VWA3B: variants seen among roughly 807,000 people sequenced by gnomAD.
VWA3B encodes von Willebrand factor A domain-containing protein 3B.
Under a neutral mutation model 158.3 loss-of-function variants are expected in VWA3B, and 138 were observed. The ratio of observed to expected loss-of-function variants is 0.87; its 90% CI spans 0.76 to 1.00. VWA3B has a LOEUF of 1.00. Ranked by LOEUF, VWA3B falls within the 50% of genes least tolerant of loss-of-function variation. The pLI is 0.00. For synonymous variants in VWA3B, 596 were observed against 587.3 expected (o/e 1.01, Z -0.21); for missense variants, 1,555 against 1,565.1 (o/e 0.99, Z 0.11).
At chr2:98,222,551 C>A (rs897519646) in intron 14 of VWA3B, among the ~76,000 whole-genome samples, 1 of 152,156 alleles carries the variant, frequency 6.6e-6, no homozygotes, top group African/African-American at 2.4e-5. Context: ...CCAGCTAGAA[C>A]TAGTGGCCCC....
chr2:98,196,620 G>A (rs1407522008), intron 12 of VWA3B, among the ~76,000 whole-genome samples: 1 of 152,124 alleles, frequency 6.6e-6, no homozygotes, highest in Non-Finnish European at 1.5e-5. Context: ...GGGAGATGGA[G>A]GGAGCAGGTG....
At chr2:98,298,426 T>G (rs535101046) in intron 24 of VWA3B, among the ~76,000 whole-genome samples, 3,409 of 139,344 alleles carry the variant, frequency 0.024, 64 homozygotes, top group South Asian at 0.039. Context: ...TCTATTCTAT[T>G]CTATTCTATT....
intron 8 of VWA3B, among the ~76,000 whole-genome samples, chr2:98,174,613 A>G (rs1240567435): frequency 6.6e-6 from 1 of 152,198 alleles, no homozygotes; most frequent in Non-Finnish European, 1.5e-5. Context: ...TAAGATGAAA[A>G]ACTGGGGAAT....
chr2:98,225,735 G>C (rs1187308406), intron 14 of VWA3B, among the ~76,000 whole-genome samples: 1 of 150,044 alleles, frequency 6.7e-6, no homozygotes, highest in African/African-American at 2.4e-5. Context: ...ACTTTTACGA[G>C]ATTTCAGCAA....
intron 8 of VWA3B, among the ~76,000 whole-genome samples, chr2:98,166,552 G>A (rs1439854541): frequency 2.0e-5 from 3 of 152,086 alleles, no homozygotes; most frequent in Non-Finnish European, 4.4e-5. Context: ...AGAAACCAGC[G>A]TTGCTGGCAC....
At chr2:98,229,597 C>T (rs1402045175) in intron 15 of VWA3B, among the ~76,000 whole-genome samples, 1 of 152,204 alleles carries the variant, frequency 6.6e-6, no homozygotes, top group South Asian at 2.1e-4. Context: ...GTTCCTTTCT[C>T]TAGCTTTTAT....
intron 8 of VWA3B, among the ~76,000 whole-genome samples, chr2:98,165,463 C>T (rs553233234): frequency 2.6e-4 from 39 of 152,218 alleles, no homozygotes; most frequent in African/African-American, 8.9e-4. Context: ...TGAAAGCTCC[C>T]CGGGTGATCC....
chr2:98,248,034 C>T (rs1686510975), intron 19 of VWA3B, among the ~76,000 whole-genome samples: 1 of 151,866 alleles, frequency 6.6e-6, no homozygotes, highest in Admixed American at 6.5e-5. Flanking sequence ...TTTTGTGTAG[C>T]CTAGAATTTA....
rs112259304 is a variant in VWA3B at position 98,215,587 on chromosome 2, G to A, written c.1837-2259G>A. Among the ~76,000 whole-genome samples the A allele has an allele frequency of 2.8e-3, 420 of 150,112 alleles. 3 individuals are homozygous for A. The highest frequency in any genetic ancestry group is 5.2e-3 in the Non-Finnish European group (353 of 67,704). On this transcript the variant is annotated intron_variant, in intron 13 of 27. Transcript: ENST00000477737. ...GGCTAGAGTGTAGTGGCGCAATCTC[G>A]GCTCACTGCAAGCTCCACCTCCCGG...
intron 19 of VWA3B, among the ~76,000 whole-genome samples, chr2:98,242,762 A>G (rs970747054): frequency 1.3e-5 from 2 of 149,472 alleles, no homozygotes; most frequent in Non-Finnish European, 3.0e-5. Context: ...GCTATCATCA[A>G]ATATCTCATC....
At chr2:98,151,346 C>A (rs148139636) in intron 7 of VWA3B, among the ~76,000 whole-genome samples, 3 of 152,254 alleles carry the variant, frequency 2.0e-5, no homozygotes, top group Non-Finnish European at 4.4e-5. Context: ...CTTTAGTGAT[C>A]CGCCTGCCTC....
intron 22 of VWA3B, among the ~76,000 whole-genome samples, chr2:98,272,658 C>G (rs886656091): frequency 9.2e-5 from 14 of 152,078 alleles, no homozygotes; most frequent in African/African-American, 3.1e-4. Flanking sequence ...CAAAGACACA[C>G]AAAGAACAGT....
intron 7 of VWA3B, among the ~76,000 whole-genome samples, chr2:98,138,258 T>G (rs370945343): frequency 2.0e-5 from 3 of 152,226 alleles, no homozygotes; most frequent in East Asian, 1.9e-4. Flanking sequence ...AAGCCTTCCG[T>G]GGCCAGTGTC....
In VWA3B at chr2:98,241,639, G is replaced by A. The variant is rs574553021; in HGVS notation, c.2673+4909G>A. Among the ~76,000 whole-genome samples the A allele has an allele frequency of 3.0e-4, 46 of 152,122 alleles. 2 individuals carry two copies. Among genetic ancestry groups the A allele is most frequent in the African/African-American group, 1.1e-3 (45 of 41,446 alleles). Reference sequence around the variant, plus strand: ...GCAGGGGAAAAATAAAGAATGAGTAGTGAGGGTCTTGTTCTTCAGGGGGGC... The same window carrying A: ...GCAGGGGAAAAATAAAGAATGAGTAATGAGGGTCTTGTTCTTCAGGGGGGC... On this transcript the variant is annotated intron_variant, in intron 19 of 27. Coordinates refer to ENST00000477737, the MANE Select transcript of VWA3B (RefSeq NM_144992.5).
intron 14 of VWA3B, among the ~76,000 whole-genome samples, chr2:98,220,437 C>G (rs540453404): frequency 6.6e-6 from 1 of 152,102 alleles, no homozygotes; most frequent in Non-Finnish European, 1.5e-5. Flanking sequence ...AGTGCCATCC[C>G]TTGTAGGTCC....
chr2:98,281,382 A>C (rs894716035), intron 22 of VWA3B, among the ~76,000 whole-genome samples: 2 of 152,240 alleles, frequency 1.3e-5, no homozygotes, highest in Admixed American at 6.5e-5. Flanking sequence ...TGATTAGAGC[A>C]GTGACAGACT....
intron 22 of VWA3B, among the ~76,000 whole-genome samples, chr2:98,286,457 A>C (rs897063633): frequency 3.3e-5 from 5 of 151,956 alleles, no homozygotes; most frequent in Non-Finnish European, 5.9e-5. Flanking sequence ...TGGTTTGTTG[A>C]GTTTTTATCA....
At chr2:98,265,651 G>A (rs1442138883) in intron 21 of VWA3B, among the ~76,000 whole-genome samples, 2 of 145,654 alleles carry the variant, frequency 1.4e-5, no homozygotes, top group Non-Finnish European at 3.1e-5. Flanking sequence ...CTAGTTTACA[G>A]TCCCACCAAC....
chr2:98,251,751 C>T (rs185507055), intron 20 of VWA3B, among the ~76,000 whole-genome samples: 334 of 152,282 alleles, frequency 2.2e-3, no homozygotes, highest in Non-Finnish European at 3.7e-3. Flanking sequence ...TCCTGCCCCA[C>T]GAAGGATCAT....
Sources: gnomAD v4.1 joint callset for allele counts (sites outside exome capture counted in the v4.1 genomes callset) on GRCh38, gnomAD v4.1.1 for gene constraint, MANE v1.5 for transcripts, NCBI Gene and HGNC (gene_info 2026-07-23, HGNC 2026-07-21) for gene names.